Variants in ITGAV observed in about 807,000 individuals in gnomAD.
ITGAV encodes integrin subunit alpha V.
ITGAV carries 76 observed loss-of-function variants against 143.8 expected under a neutral mutation model. The ratio of observed to expected loss-of-function variants is 0.53; its 90% CI spans 0.44 to 0.64. The LOEUF is 0.64. ITGAV is among the 30% of genes least tolerant of loss of function. The probability of loss-of-function intolerance (pLI) is 0.00; values close to 1 mark genes in which losing one functional copy is unlikely to be tolerated. For missense variants in ITGAV, 1,193 were observed against 1,274.7 expected (o/e 0.94, Z 0.98); for synonymous variants, 453 against 446.7 (o/e 1.01, Z -0.18).
At chr2:186,643,392 A>G (rs1688162012) in intron 12 of ITGAV, among the ~76,000 whole-genome samples, 2 of 152,220 alleles carry the variant, frequency 1.3e-5, no homozygotes, top group Admixed American at 6.5e-5. Flanking sequence ...ACTGTAGCAA[A>G]TAGTAGATTG....
In ITGAV at chr2:186,624,241, G is replaced by A. The variant is rs184321762; in HGVS notation, c.409-1232G>A. Among the ~76,000 whole-genome samples the A allele has an allele frequency of 2.2e-3, 334 of 152,240 alleles. 2 individuals are homozygous for A. Among genetic ancestry groups the A allele is most frequent in the Admixed American group, 3.9e-3 (59 of 15,298 alleles). Reference sequence around the variant, plus strand: ...GCCCTTTGTCATTCAGATTTCAGCTGTCACTCAGATTTCAGAGACTGCTCC... The same window carrying A: ...GCCCTTTGTCATTCAGATTTCAGCTATCACTCAGATTTCAGAGACTGCTCC... On this transcript the variant is annotated intron_variant, in intron 3 of 29. Transcript: ENST00000261023.
intron 5 of ITGAV, 95 bp from the exon 6 acceptor site, chr2:186,633,234 C>A: frequency 3.1e-6 from 2 of 639,736 alleles, no homozygotes; most frequent in South Asian, 4.2e-5. Flanking sequence ...GTCATGTATA[C>A]ATATACATAT....
chr2:186,641,521 TGA>T lies in ITGAV; in HGVS notation c.1094_1095del (p.Glu365GlyfsTer22). 1 of 1,614,188 alleles carries T rather than the reference TGA, an allele frequency of 6.2e-7. No homozygotes were observed. Among genetic ancestry groups the T allele is most frequent in the Non-Finnish European group, 8.5e-7 (1 of 1,180,042 alleles). On this transcript the variant is annotated frameshift_variant, in exon 12 of 30. Transcript: ENST00000261023. LOFTEE classifies it high-confidence loss of function. ...DFQTTKLNGF[E>X]VFARFGSAIA... ...TCCAGACGACAAAGCTGAATGGATT[TGA>T]GGTCTTTGCACGGTTTGGCAGTGCC...
Position 186,622,346 on chromosome 2 carries a change from A to G in ITGAV, c.324A>G (p.Arg108=). The change falls in exon 3 of 30, where the codon AGA becomes AGG. Residue 108 remains arginine (R), a synonymous_variant. Transcript: ENST00000261023. The part of the protein sequence containing the change: ...QPIEFDATGN[R]DYAKDDPLEF... ...CACAATATTCTTTTTTAGGCAATAGAGATTATGCCAAGGATGATCCATTGG... is the reference window on the plus strand; with the variant it reads ...CACAATATTCTTTTTTAGGCAATAGGGATTATGCCAAGGATGATCCATTGG... The G allele has an allele frequency of 1.9e-6, 3 of 1,609,506 alleles. No homozygotes were observed. The highest frequency in any genetic ancestry group is 1.1e-5 in the South Asian group (1 of 90,906).
intron 1 of ITGAV, among the ~76,000 whole-genome samples, chr2:186,596,339 T>C (rs1427940344): frequency 2.6e-5 from 4 of 152,232 alleles, no homozygotes; most frequent in Admixed American, 6.5e-5. Flanking sequence ...CTGTCAGTTC[T>C]CTTACCCTAA....
At chr2:186,621,123 A>C (rs538542046) in intron 2 of ITGAV, among the ~76,000 whole-genome samples, 9 of 152,300 alleles carry the variant, frequency 5.9e-5, no homozygotes, top group Admixed American at 4.6e-4. Context: ...AGTAAATACA[A>C]TAAAGTGTTA....
At chr2:186,594,669 G>A (rs1686699538) in intron 1 of ITGAV, among the ~76,000 whole-genome samples, 1 of 152,136 alleles carries the variant, frequency 6.6e-6, no homozygotes, top group Non-Finnish European at 1.5e-5. Context: ...CAGCAAGAAA[G>A]TCCAAACCGC....
Position 186,654,673 on chromosome 2 carries a change from A to G in ITGAV, c.1529A>G (p.Lys510Arg). 6.4e-7 allele frequency: 1 copy of G among 1,558,170 alleles called. No individual in the cohort carries two copies. Among genetic ancestry groups the G allele is most frequent in the Non-Finnish European group, 8.8e-7 (1 of 1,135,300 alleles). The change falls in exon 16 of 30, where the codon AAG (lysine) becomes AGG (arginine). Residue 510 changes from lysine to arginine, a missense_variant. Coordinates refer to ENST00000261023, the MANE Select transcript of ITGAV (RefSeq NM_002210.5). Reference protein sequence around the residue: ...VSCFNVRFCLKADGKGVLPRK... With the variant: ...VSCFNVRFCLRADGKGVLPRK... ...AGTTTTAATGTTAGGTTCTGCTTAA[A>G]GGCAGATGGCAAAGGAGTACTTCCC...
intron 2 of ITGAV, among the ~76,000 whole-genome samples, chr2:186,617,417 C>T (rs1225741636): frequency 1.3e-5 from 2 of 152,216 alleles, no homozygotes; most frequent in African/African-American, 4.8e-5. Flanking sequence ...GAGTCGAAAG[C>T]TACGACAATC....
chr2:186,639,989 A>G (rs1440826575), intron 10 of ITGAV, among the ~76,000 whole-genome samples: 1 of 152,170 alleles, frequency 6.6e-6, no homozygotes, highest in Non-Finnish European at 1.5e-5. Context: ...CATTTTCCCA[A>G]TTACACTGTA....
chr2:186,590,612 A>C (rs753660072), intron 1 of ITGAV, 89 bp downstream of exon 1: 141 of 1,221,314 alleles, frequency 1.2e-4, no homozygotes, highest in Non-Finnish European at 1.4e-4. Flanking sequence ...GATTTCCGAG[A>C]GATCCCGGCG....
chr2:186,637,022 A>G (rs761489157), intron 7 of ITGAV, 43 bp from the exon 8 acceptor site: 1 of 1,553,932 alleles, frequency 6.4e-7, no homozygotes, highest in Non-Finnish European at 8.9e-7. Flanking sequence ...GCTGAAGATA[A>G]CGTCCTTGTC....
intron 26 of ITGAV, among the ~76,000 whole-genome samples, chr2:186,672,336 G>T (rs1041814771): frequency 2.0e-5 from 3 of 152,058 alleles, no homozygotes; most frequent in Non-Finnish European, 2.9e-5. Context: ...TCAACATTTC[G>T]ATTATTTCTA....
chr2:186,602,209 T>A, intron 2 of ITGAV, 58 bp downstream of exon 2: 3 of 1,474,332 alleles, frequency 2.0e-6, no homozygotes, highest in African/African-American at 1.4e-5. Flanking sequence ...TTTTTTGCAA[T>A]TGGTTTAGTT....
At position 186,636,656 on chromosome 2, in the gene ITGAV, G is replaced by C. The variant is rs1687952719; in HGVS notation, c.758-409G>C. ...GTCTAACTCCTGAAGTTTTCTTCATGATGTTAAATAAAAGTTTTGGTCTTT... is the reference window on the plus strand; with the variant it reads ...GTCTAACTCCTGAAGTTTTCTTCATCATGTTAAATAAAAGTTTTGGTCTTT... On this transcript the variant is annotated intron_variant, in intron 7 of 29. Coordinates refer to ENST00000261023, the MANE Select transcript of ITGAV (RefSeq NM_002210.5). Among the ~76,000 whole-genome samples, 3 of 152,184 alleles carry C rather than the reference G, an allele frequency of 2.0e-5. No homozygotes were observed. The South Asian group carries it at 6.2e-4, about 32-fold the overall frequency.
At chr2:186,622,651 T>C (rs902866561) in intron 3 of ITGAV, among the ~76,000 whole-genome samples, 2 of 152,236 alleles carry the variant, frequency 1.3e-5, no homozygotes, top group African/African-American at 4.8e-5. Flanking sequence ...ATTCCTACTT[T>C]GTTTTACCTG....
intron 2 of ITGAV, among the ~76,000 whole-genome samples, chr2:186,618,034 G>A (rs768337582): frequency 6.6e-6 from 1 of 152,188 alleles, no homozygotes; most frequent in Admixed American, 6.5e-5. Flanking sequence ...CCTCAGGATA[G>A]CTGCCAGTTT....
rs1418793916 is a variant in ITGAV, at chr2:186,602,007, C to T, written c.186-14C>T. On this transcript the variant is annotated splice_polypyrimidine_tract_variant and intron_variant, in intron 1 of 29. Transcript: ENST00000261023. ...GTTTCATTTAAACTTTGGTCTGCCG[C>T]TTTTGTATTTTAGCCGGATGTTTCT... 3 of 1,601,966 alleles carry T rather than the reference C, an allele frequency of 1.9e-6. No homozygotes were observed. The highest frequency in any genetic ancestry group is 2.2e-5 in the East Asian group (1 of 44,698).
chr2:186,649,712 C>T, intron 13 of ITGAV, 128 bp from the exon 14 acceptor site: 1 of 565,900 alleles, frequency 1.8e-6, no homozygotes, highest in Admixed American at 3.8e-5. Context: ...TATATGATGT[C>T]TTACAACCTC....
Sources: allele counts gnomAD v4.1 joint callset (sites outside exome capture counted in the v4.1 genomes callset), GRCh38; gene constraint gnomAD v4.1.1; transcripts MANE v1.5; gene names NCBI Gene and HGNC (gene_info 2026-07-23, HGNC 2026-07-21).